FRMPD3: variants seen among roughly 807,000 people sequenced by gnomAD.
The protein encoded by FRMPD3 is FERM and PDZ domain containing 3.
Under a neutral mutation model 97.9 loss-of-function variants are expected in FRMPD3, and 42 were observed. That is an observed-to-expected ratio of 0.43 (90% CI 0.34 to 0.55). The LOEUF (loss-of-function observed/expected upper bound fraction) is 0.55, where lower values mean the gene tolerates loss of function less well. FRMPD3 is among the 20% of genes least tolerant of loss of function. The pLI is 0.03. For missense variants in FRMPD3, 1,303 were observed against 1,457.7 expected (o/e 0.89, Z 1.73); for synonymous variants, 577 against 581.1 (o/e 0.99, Z 0.10).
At chrX:107,453,584 G>A (rs1024296226) in intron 1 of FRMPD3, among the ~76,000 whole-genome samples, 2 of 111,309 alleles carry the variant, frequency 1.8e-5, no homozygotes, top group East Asian at 2.8e-4. Flanking sequence ...TTGCATTATC[G>A]GCAGCCAAAA....
intron 1 of FRMPD3, among the ~76,000 whole-genome samples, chrX:107,506,304 G>T (rs960325685): frequency 3.6e-5 from 4 of 112,282 alleles, no homozygotes; most frequent in Non-Finnish European, 5.6e-5. Flanking sequence ...TAGAGTTGCC[G>T]TTTGTTCCCA....
At chrX:107,462,356 C>G (rs917503818) in intron 1 of FRMPD3, among the ~76,000 whole-genome samples, 12 of 111,857 alleles carry the variant, frequency 1.1e-4, no homozygotes, top group Non-Finnish European at 1.9e-4. Context: ...TCCAGACACA[C>G]ATTGCAGGGG....
intron 1 of FRMPD3, among the ~76,000 whole-genome samples, chrX:107,506,995 G>A (rs1013354287): frequency 1.8e-5 from 2 of 111,138 alleles, no homozygotes; most frequent in East Asian, 5.7e-4. Context: ...GCCCCGGCCC[G>A]GAGGGGGGCC....
intron 1 of FRMPD3, chrX:107,525,494 G>A (rs1057286282): frequency 1.9e-6 from 1 of 525,734 alleles, no homozygotes; most frequent in Non-Finnish European, 3.4e-6. Flanking sequence ...GAATTCCTAA[G>A]CTTTAGTTAC....
chrX:107,475,253 C>T (rs1294045303), intron 1 of FRMPD3, among the ~76,000 whole-genome samples: 2 of 111,746 alleles, frequency 1.8e-5, no homozygotes, highest in Non-Finnish European at 3.8e-5. Flanking sequence ...CCACCTTAAT[C>T]CCAGCTCTCC....
chrX:107,524,035 C>T (rs1332391427), intron 1 of FRMPD3, among the ~76,000 whole-genome samples: 3 of 112,653 alleles, frequency 2.7e-5, no homozygotes, highest in Non-Finnish European at 5.6e-5. Context: ...CCACAGTCTG[C>T]AGAGCCTTCC....
chrX:107,504,658 T>C (rs1366571548), intron 1 of FRMPD3, among the ~76,000 whole-genome samples: 2 of 112,184 alleles, frequency 1.8e-5, no homozygotes, highest in African/African-American at 6.5e-5. Flanking sequence ...AAGTCTCCAC[T>C]AGTTCTGTTG....
chrX:107,537,233 C>G (rs1192362295), intron 4 of FRMPD3, among the ~76,000 whole-genome samples: 1 of 111,686 alleles, frequency 9.0e-6, no homozygotes, highest in African/African-American at 3.3e-5. Context: ...CTTTTAAGAC[C>G]TTGTTTGATA....
At chrX:107,454,207 C>G (rs943567802) in intron 1 of FRMPD3, among the ~76,000 whole-genome samples, 1 of 111,108 alleles carries the variant, frequency 9.0e-6, no homozygotes, top group African/African-American at 3.3e-5. Flanking sequence ...ATTGCTAGTT[C>G]TTCTTACTAC....
intron 1 of FRMPD3, among the ~76,000 whole-genome samples, chrX:107,496,209 G>C (rs748558204): frequency 8.9e-6 from 1 of 112,235 alleles, no homozygotes; most frequent in South Asian, 3.7e-4. Context: ...ATGCTTCCAG[G>C]TGTATGGATT....
intron 1 of FRMPD3, chrX:107,513,345 T>C (rs1044915201): frequency 2.7e-5 from 3 of 111,145 alleles, no homozygotes; most frequent in African/African-American, 9.8e-5. Flanking sequence ...GCAAGGGAAA[T>C]AGAGAGAAAG....
chrX:107,592,622 A>G (rs754402750), intron 13 of FRMPD3, among the ~76,000 whole-genome samples: 9 of 111,034 alleles, frequency 8.1e-5, no homozygotes, highest in Non-Finnish European at 1.7e-4. Flanking sequence ...TTTTTCATAT[A>G]ATGACTCTTG....
intron 10 of FRMPD3, 47 bp from the exon 11 acceptor site, chrX:107,563,064 C>G (rs1312159647): frequency 8.5e-6 from 9 of 1,057,976 alleles, no homozygotes; most frequent in Non-Finnish European, 1.2e-5. Flanking sequence ...GTTTGCTTTT[C>G]CTGTGCCCCT....
At chrX:107,541,672 C>G (rs780978579) in intron 4 of FRMPD3, among the ~76,000 whole-genome samples, 1 of 111,951 alleles carries the variant, frequency 8.9e-6, no homozygotes, top group African/African-American at 3.2e-5. Flanking sequence ...AAGGATGCCA[C>G]CCTCTTCACT....
At chrX:107,469,810 G>A (rs758290722) in intron 1 of FRMPD3, among the ~76,000 whole-genome samples, 1 of 112,423 alleles carries the variant, frequency 8.9e-6, no homozygotes, top group Non-Finnish European at 1.9e-5. Flanking sequence ...ATAAACTTTA[G>A]CTATCATTAT....
intron 1 of FRMPD3, among the ~76,000 whole-genome samples, chrX:107,468,942 A>C (rs1253409006): frequency 8.9e-6 from 1 of 112,716 alleles, no homozygotes; most frequent in African/African-American, 3.2e-5. Flanking sequence ...CATATTTCAC[A>C]CCTAATTGTT....
At chrX:107,452,664 T>C (rs1412100988) in intron 1 of FRMPD3, among the ~76,000 whole-genome samples, 8 of 111,766 alleles carry the variant, frequency 7.2e-5, no homozygotes, top group Admixed American at 4.7e-4. Context: ...ACAGAGCCTC[T>C]ACCCCACTGG....
chrX:107,469,992 A>G (rs1270932483), intron 1 of FRMPD3, among the ~76,000 whole-genome samples: 2 of 111,720 alleles, frequency 1.8e-5, no homozygotes, highest in African/African-American at 6.5e-5. Context: ...AATCGTTTCT[A>G]TTAGCCTTCC....
At chrX:107,465,520 C>T (rs1186494622) in intron 1 of FRMPD3, among the ~76,000 whole-genome samples, 1 of 111,249 alleles carries the variant, frequency 9.0e-6, no homozygotes, top group Non-Finnish European at 1.9e-5. Context: ...AGGCTCTCCT[C>T]TATTCCCTCC....
Sources: allele counts gnomAD v4.1 joint callset (sites outside exome capture counted in the v4.1 genomes callset), GRCh38; gene constraint gnomAD v4.1.1; transcripts MANE v1.5; gene names NCBI Gene and HGNC (gene_info 2026-07-23, HGNC 2026-07-21).